The following LHFPL2 variants were observed in gnomAD, a reference collection of about 807,000 sequenced individuals.
The protein encoded by LHFPL2 is LHFPL tetraspan subfamily member 2.
A neutral mutation model predicts 17.5 loss-of-function variants in LHFPL2; 7 were observed. The observed-to-expected ratio is 0.40, with a 90% CI of 0.23 to 0.75. The LOEUF is 0.75. LHFPL2 is among the 30% of genes least tolerant of loss of function. LHFPL2 has a pLI of 0.37. For synonymous variants in LHFPL2, 134 were observed against 116.2 expected (o/e 1.15, Z -0.99); for missense variants, 241 against 294.8 (o/e 0.82, Z 1.34).
Position 78,488,850 on chromosome 5 carries a change from G to A in LHFPL2, c.*47C>T. 1 of 1,600,840 alleles carries A rather than the reference G, an allele frequency of 6.2e-7. No individual in the cohort carries two copies. The highest frequency in any genetic ancestry group is 8.5e-7 in the Non-Finnish European group (1 of 1,173,656). On this transcript the variant is annotated 3_prime_UTR_variant, in exon 5 of 5. Coordinates refer to ENST00000380345, the MANE Select transcript of LHFPL2 (RefSeq NM_005779.3). ...GACTCAAATGATGAAACTGTGGACT[G>A]TTTCACAAGATTACTCAAGGGAGAA...
At chr5:78,548,466 C>A (rs1343837205) in intron 3 of LHFPL2, among the ~76,000 whole-genome samples, 1 of 152,234 alleles carries the variant, frequency 6.6e-6, no homozygotes, top group Non-Finnish European at 1.5e-5. Flanking sequence ...AGATTTGCCC[C>A]TGGAGCCAGT....
At chr5:78,570,634 G>GTA (rs147435933) in intron 2 of LHFPL2, among the ~76,000 whole-genome samples, 1,968 of 145,342 alleles carry the variant, frequency 0.014, 23 homozygotes, top group African/African-American at 0.041. Context: ...TATATATATA[G>GTA]TATATATATA....
intron 3 of LHFPL2, among the ~76,000 whole-genome samples, chr5:78,528,271 G>T (rs1006487370): frequency 1.3e-5 from 2 of 152,136 alleles, no homozygotes; most frequent in African/African-American, 2.4e-5. Context: ...ACCAGTACCG[G>T]TCTGTGGCCT....
chr5:78,593,894 G>A (rs1482999271), intron 2 of LHFPL2, among the ~76,000 whole-genome samples: 1 of 152,180 alleles, frequency 6.6e-6, no homozygotes, highest in African/African-American at 2.4e-5. Flanking sequence ...TGCTTGATGA[G>A]GCAAGAAGGA....
chr5:78,641,421 T>C (rs1416959938), intron 1 of LHFPL2, among the ~76,000 whole-genome samples: 2 of 152,222 alleles, frequency 1.3e-5, no homozygotes, highest in Non-Finnish European at 1.5e-5. Flanking sequence ...GCGTTAAACA[T>C]TGTTCATTAT....
intron 3 of LHFPL2, among the ~76,000 whole-genome samples, chr5:78,554,397 A>G (rs1756521204): frequency 6.6e-6 from 1 of 152,270 alleles, no homozygotes; most frequent in Non-Finnish European, 1.5e-5. Flanking sequence ...TTCTGATGGA[A>G]GTCTCATAGA....
At chr5:78,639,412 G>C (rs1428781263) in intron 1 of LHFPL2, among the ~76,000 whole-genome samples, 1 of 152,132 alleles carries the variant, frequency 6.6e-6, no homozygotes, top group Admixed American at 6.5e-5. Flanking sequence ...AAAGGATTCA[G>C]ATCAAAAATG....
At chr5:78,532,349 T>C (rs1480583036) in intron 3 of LHFPL2, among the ~76,000 whole-genome samples, 1 of 152,202 alleles carries the variant, frequency 6.6e-6, no homozygotes, top group African/African-American at 2.4e-5. Flanking sequence ...CATGAGCCAT[T>C]GCACCTAACC....
At chr5:78,520,854 T>A (rs1047960975) in intron 3 of LHFPL2, among the ~76,000 whole-genome samples, 1 of 152,244 alleles carries the variant, frequency 6.6e-6, no homozygotes, top group Admixed American at 6.5e-5. Flanking sequence ...GCCGCAGAGA[T>A]GGACCCTGCC....
chr5:78,570,981 T>C (rs1384931041), intron 2 of LHFPL2, among the ~76,000 whole-genome samples: 1 of 152,018 alleles, frequency 6.6e-6, no homozygotes, highest in East Asian at 1.9e-4. Flanking sequence ...GATGCCAAGA[T>C]TAAAACTAGA....
intron 2 of LHFPL2, among the ~76,000 whole-genome samples, chr5:78,573,248 C>A (rs1757048919): frequency 6.6e-6 from 1 of 152,100 alleles, no homozygotes; most frequent in Admixed American, 6.6e-5. Flanking sequence ...GCCTTAAACC[C>A]AATCCATGAG....
intron 3 of LHFPL2, among the ~76,000 whole-genome samples, chr5:78,540,113 T>C (rs1479949837): frequency 6.6e-6 from 1 of 152,358 alleles, no homozygotes. Context: ...AAACAGACTT[T>C]TTTTGCACTA....
At chr5:78,545,935 T>C (rs749260250) in intron 3 of LHFPL2, among the ~76,000 whole-genome samples, 46 of 152,308 alleles carry the variant, frequency 3.0e-4, no homozygotes, top group Middle Eastern at 6.8e-3. Context: ...AAGGCCATGA[T>C]ACAGAGGCTG....
chr5:78,560,892 C>G lies in LHFPL2; in HGVS notation c.-186+3921G>C, dbSNP rs189467022. On this transcript the variant is annotated intron_variant, in intron 3 of 4. Coordinates refer to ENST00000380345, the MANE Select transcript of LHFPL2 (RefSeq NM_005779.3). ...TATCCAATTTTATGGTACTCTAGAA[C>G]AGCACTGTGCAATAAAAATATTACT... Among the ~76,000 whole-genome samples the G allele has an allele frequency of 1.1e-3, 169 of 152,202 alleles. 2 individuals carry two copies. Among genetic ancestry groups the G allele is most frequent in the African/African-American group, 3.9e-3 (164 of 41,528 alleles).
intron 3 of LHFPL2, among the ~76,000 whole-genome samples, chr5:78,524,132 C>T (rs549488962): frequency 4.3e-4 from 66 of 152,238 alleles, no homozygotes; most frequent in Non-Finnish European, 6.3e-4. Flanking sequence ...CTACAAGACT[C>T]GCTCCACACA....
At position 78,486,137 on chromosome 5, in the gene LHFPL2, C is replaced by T. The variant is rs565969449; in HGVS notation, c.*2760G>A. The T allele has an allele frequency of 2.0e-5, 3 of 152,672 alleles. No individual in the cohort carries two copies. Among genetic ancestry groups the T allele is most frequent in the South Asian group, 4.1e-4 (2 of 4,824 alleles). 9.5% of individuals were successfully genotyped at this position (152,672 alleles called of 1,614,324 possible). ...CATAAAAAAAGACTATGGCACTTTACAGAATATATGTTTAACAAAGATCAT... is the reference window on the plus strand; with the variant it reads ...CATAAAAAAAGACTATGGCACTTTATAGAATATATGTTTAACAAAGATCAT... On this transcript the variant is annotated 3_prime_UTR_variant, in exon 5 of 5. Transcript: ENST00000380345.
chr5:78,544,512 C>A (rs1280781457), intron 3 of LHFPL2, among the ~76,000 whole-genome samples: 23 of 152,160 alleles, frequency 1.5e-4, no homozygotes, highest in Non-Finnish European at 3.2e-4. Context: ...TCTTATAGGG[C>A]TACCATTTTT....
chr5:78,642,900 T>C (rs1205392765), intron 1 of LHFPL2, among the ~76,000 whole-genome samples: 1 of 152,080 alleles, frequency 6.6e-6, no homozygotes, highest in African/African-American at 2.4e-5. Flanking sequence ...TCTGCAGGCC[T>C]CTCCTCTCTC....
chr5:78,490,244 G>T (rs1387343086), intron 4 of LHFPL2, among the ~76,000 whole-genome samples: 1 of 151,968 alleles, frequency 6.6e-6, no homozygotes, highest in African/African-American at 2.4e-5. Flanking sequence ...TATTTTTCCT[G>T]CCTAGTCCCA....
Sources: allele counts gnomAD v4.1 joint callset (sites outside exome capture counted in the v4.1 genomes callset), GRCh38; gene constraint gnomAD v4.1.1; transcripts MANE v1.5; gene names NCBI Gene and HGNC (gene_info 2026-07-23, HGNC 2026-07-21).